Variants in CDH2 observed in about 807,000 individuals in gnomAD.
The protein encoded by CDH2 is cadherin-2.
In CDH2, 17 loss-of-function variants were observed where a neutral mutation model predicts 92.0. The observed-to-expected ratio is 0.18, with a 90% CI of 0.13 to 0.28. The LOEUF is 0.28. Ranked by LOEUF, CDH2 falls within the 10% of genes least tolerant of loss-of-function variation. The pLI, the probability that CDH2 is intolerant of heterozygous loss-of-function variation, is 1.00. For missense variants in CDH2, 862 were observed against 1,133.1 expected (o/e 0.76, Z 3.44); for synonymous variants, 419 against 415.9 (o/e 1.01, Z -0.09).
At chr18:27,990,927 T>C (rs1410302064) in intron 9 of CDH2, among the ~76,000 whole-genome samples, 4 of 152,348 alleles carry the variant, frequency 2.6e-5, no homozygotes, top group Non-Finnish European at 2.9e-5. Context: ...TTAAAAATAA[T>C]ACTGTTGGTA....
chr18:28,098,627 C>T (rs1041355513), intron 2 of CDH2, among the ~76,000 whole-genome samples: 2 of 152,046 alleles, frequency 1.3e-5, no homozygotes, highest in African/African-American at 4.8e-5. Context: ...TGCTTAGGAA[C>T]ACTAGACAGC....
intron 6 of CDH2, among the ~76,000 whole-genome samples, chr18:27,935,317 T>A (rs895232226): frequency 6.6e-6 from 1 of 152,156 alleles, no homozygotes; most frequent in Non-Finnish European, 1.5e-5. Context: ...AGCAGACACA[T>A]GTTCACATGG....
intron 7 of CDH2, among the ~76,000 whole-genome samples, chr18:27,994,313 T>C (rs934768230): frequency 6.6e-6 from 1 of 152,212 alleles, no homozygotes; most frequent in East Asian, 1.9e-4. Context: ...ATAACACTCA[T>C]TGTGTCCACT....
rs748046882 is a variant in CDH2 at position 28,147,796 on chromosome 18, G to GAAA, written c.61-15_61-13dup. On this transcript the variant is annotated splice_polypyrimidine_tract_variant and intron_variant, in intron 1 of 15. Coordinates refer to ENST00000269141, the MANE Select transcript of CDH2 (RefSeq NM_001792.5). ...GCCTCTACAGACGCCTGCAACACAA[G>GAAA]AAAAAAAAAAAAAATGTGTGCAATG... The GAAA allele has an allele frequency of 1.1e-4, 118 of 1,092,766 alleles. No homozygotes were observed. The highest frequency in any genetic ancestry group is 8.5e-4 in the East Asian group (33 of 38,932). The allele number at this position is 1,092,766 out of a possible 1,614,324, so 67.7% of individuals were successfully genotyped here.
intron 2 of CDH2, among the ~76,000 whole-genome samples, chr18:28,070,059 C>T (rs1025870047): frequency 1.3e-5 from 2 of 152,068 alleles, no homozygotes; most frequent in African/African-American, 4.8e-5. Context: ...GACAGTTAAT[C>T]CAATCTTCAC....
intron 7 of CDH2, among the ~76,000 whole-genome samples, chr18:27,998,025 C>G (rs1403392013): frequency 6.6e-6 from 1 of 152,062 alleles, no homozygotes; most frequent in African/African-American, 2.4e-5. Flanking sequence ...CCAGGATGGT[C>G]TCCATCTCCT....
intron 2 of CDH2, among the ~76,000 whole-genome samples, chr18:28,043,467 T>TAAATATATATATATATATATATAA (rs2013994630): frequency 1.7e-5 from 1 of 59,656 alleles, no homozygotes; most frequent in Non-Finnish European, 3.0e-5. Flanking sequence ...AATAAATATA[T>TAAATATATATATATATATATATAA]ATATATATAT....
chr18:28,132,508 G>T (rs940283030), intron 2 of CDH2, among the ~76,000 whole-genome samples: 2 of 152,148 alleles, frequency 1.3e-5, no homozygotes, highest in Non-Finnish European at 2.9e-5. Flanking sequence ...AGGACGGAAG[G>T]GGGCAAAAGA....
At chr18:27,968,567 G>T (rs1021981403) in intron 14 of CDH2, among the ~76,000 whole-genome samples, 5 of 152,198 alleles carry the variant, frequency 3.3e-5, no homozygotes, top group Non-Finnish European at 7.3e-5. Context: ...GGTCAAATAA[G>T]AGTCTGACAC....
intron 2 of CDH2, among the ~76,000 whole-genome samples, chr18:28,079,945 CA>C (rs1212312294): frequency 1.3e-5 from 2 of 152,076 alleles, no homozygotes; most frequent in Non-Finnish European, 1.5e-5. Flanking sequence ...AACATGAGGC[CA>C]GAAAAACACC....
At chr18:27,946,259 A>C (rs2143840992), downstream of CDH2, among the ~76,000 whole-genome samples, 1 of 152,220 alleles carries the variant, frequency 6.6e-6, no homozygotes, top group Non-Finnish European at 1.5e-5. Flanking sequence ...CAAATGAATA[A>C]ATATTCTGTA....
intron 2 of CDH2, among the ~76,000 whole-genome samples, chr18:28,114,379 A>G (rs1225327563): frequency 1.3e-5 from 2 of 152,156 alleles, no homozygotes; most frequent in African/African-American, 4.8e-5. Flanking sequence ...TGGATCTTAG[A>G]GTACTTCCAA....
At chr18:28,133,581 C>CAAAA (rs765999292) in intron 2 of CDH2, among the ~76,000 whole-genome samples, 17 of 47,184 alleles carry the variant, frequency 3.6e-4, no homozygotes, top group South Asian at 8.6e-4. Context: ...GACTCTGTCT[C>CAAAA]AAAAAAAAAA....
At chr18:27,983,278 A>G (rs925143651) in intron 13 of CDH2, among the ~76,000 whole-genome samples, 195 bp from the exon 14 acceptor site, 4 of 152,200 alleles carry the variant, frequency 2.6e-5, no homozygotes, top group African/African-American at 9.6e-5. Context: ...GGTTTAGAGT[A>G]TGAAGGCCTG....
intron 11 of CDH2, among the ~76,000 whole-genome samples, chr18:27,987,060 C>A (rs992533936): frequency 1.3e-5 from 2 of 152,162 alleles, no homozygotes; most frequent in African/African-American, 4.8e-5. Flanking sequence ...TAACAGGTCA[C>A]TTCTCTCTCT....
chr18:28,139,493 G>A (rs1460895244), intron 2 of CDH2, among the ~76,000 whole-genome samples: 2 of 151,952 alleles, frequency 1.3e-5, no homozygotes, highest in Admixed American at 1.3e-4. Flanking sequence ...CTCAAATCAA[G>A]CTTCTGATCC....
intron 14 of CDH2, among the ~76,000 whole-genome samples, chr18:27,970,252 C>T (rs2011624285): frequency 6.6e-6 from 1 of 152,144 alleles, no homozygotes; most frequent in South Asian, 2.1e-4. Context: ...AAGCCACTGT[C>T]TGTCTTGGGA....
rs193139654 is a variant in CDH2, at chr18:28,084,878, C to T, written c.172+62795G>A. Among the ~76,000 whole-genome samples, 438 of 152,272 alleles carry T rather than the reference C, an allele frequency of 2.9e-3. 2 individuals carry two copies. Among genetic ancestry groups the T allele is most frequent in the Non-Finnish European group, 4.5e-3 (306 of 68,016 alleles). On this transcript the variant is annotated intron_variant, in intron 2 of 15. Coordinates refer to ENST00000269141, the MANE Select transcript of CDH2 (RefSeq NM_001792.5). ...ACTTTTTTAGCTATCCTTGGTACAGCTCTTTCTCAATTCCCTCAGAGACTA... is the reference window on the plus strand; with the variant it reads ...ACTTTTTTAGCTATCCTTGGTACAGTTCTTTCTCAATTCCCTCAGAGACTA...
chr18:27,993,703 T>C, intron 7 of CDH2, 66 bp from the exon 8 acceptor site: 5 of 1,224,666 alleles, frequency 4.1e-6, no homozygotes. Flanking sequence ...ACAGTTGTTC[T>C]GTAAACGGCT....
Sources: gnomAD v4.1 joint callset for allele counts (sites outside exome capture counted in the v4.1 genomes callset) on GRCh38, gnomAD v4.1.1 for gene constraint, MANE v1.5 for transcripts, NCBI Gene and HGNC (gene_info 2026-07-23, HGNC 2026-07-21) for gene names.